The following DAB1 variants were observed in gnomAD, a reference collection of about 807,000 sequenced individuals.
DAB1 encodes disabled homolog 1.
A neutral mutation model predicts 64.6 loss-of-function variants in DAB1; 15 were observed. That is an observed-to-expected ratio of 0.23 (90% CI 0.16 to 0.36). The LOEUF is 0.36. Among genes scored for constraint, DAB1 ranks in the 10% least tolerant of loss-of-function variants. DAB1 has a pLI of 1.00. For synonymous variants in DAB1, 235 were observed against 251.9 expected (o/e 0.93, Z 0.64); for missense variants, 596 against 706.7 (o/e 0.84, Z 1.78).
At chr1:58,149,036 T>G (rs1654774832) in intron 5 of DAB1, among the ~76,000 whole-genome samples, 2 of 152,202 alleles carry the variant, frequency 1.3e-5, no homozygotes, top group African/African-American at 4.8e-5. Context: ...AAATATCATG[T>G]CCACAAACAG....
chr1:58,426,456 G>C (rs1037986550), intron 3 of DAB1, among the ~76,000 whole-genome samples: 9 of 152,208 alleles, frequency 5.9e-5, no homozygotes, highest in African/African-American at 2.2e-4. Context: ...GTAGGAACCA[G>C]GTATTGGCTC....
intron 3 of DAB1, among the ~76,000 whole-genome samples, chr1:58,348,737 T>C (rs928212408): frequency 6.6e-6 from 1 of 152,164 alleles, no homozygotes. Flanking sequence ...ACAATGAGAT[T>C]TTACACACGT....
chr1:57,740,082 C>A lies in DAB1; in HGVS notation n.552-90417G>T, dbSNP rs557084027. ...AAAAAAAATTCGCCAGGCGTGGTCGCATGCACTTGTAGTCCCAGCTACTCA... is the reference window on the plus strand; with the variant it reads ...AAAAAAAATTCGCCAGGCGTGGTCGAATGCACTTGTAGTCCCAGCTACTCA... On this transcript the variant is annotated intron_variant and non_coding_transcript_variant, in intron 6 of 20. Coordinates refer to the DAB1 transcript ENST00000485760. Among the ~76,000 whole-genome samples, 4 of 148,100 alleles carry A rather than the reference C, an allele frequency of 2.7e-5. No individual in the cohort carries two copies. In the East Asian group the frequency reaches 7.8e-4, roughly 29 times the overall value.
In DAB1 at chr1:57,957,359, G is replaced by A. The variant is rs559818067; in HGVS notation, n.388-73197C>T. ...GCCCAAAGGTTTCAGCCTAAGCAAT[G>A]GAAGGATAAAGTTGACATTTGTTAA... On this transcript the variant is annotated intron_variant and non_coding_transcript_variant, in intron 5 of 20. Coordinates refer to the DAB1 transcript ENST00000485760. Among the ~76,000 whole-genome samples, 114 of 152,278 alleles carry A rather than the reference G, an allele frequency of 7.5e-4. No individual in the cohort carries two copies. The Middle Eastern group carries it at 0.01, about 14-fold the overall frequency.
intron 7 of DAB1, among the ~76,000 whole-genome samples, chr1:57,488,558 C>T (rs1008379341): frequency 3.9e-4 from 59 of 152,040 alleles, no homozygotes; most frequent in Non-Finnish European, 6.9e-4. Context: ...TGCCTGTAAT[C>T]CCAGCTACTT....
intron 4 of DAB1, among the ~76,000 whole-genome samples, chr1:58,187,777 C>T (rs544516785): frequency 3.4e-4 from 52 of 151,676 alleles, no homozygotes; most frequent in African/African-American, 1.2e-3. Flanking sequence ...TAGGTTTTCC[C>T]CATGTTGGCT....
chr1:57,353,076 A>G (rs969233426), intron 1 of DAB1, among the ~76,000 whole-genome samples: 3 of 150,664 alleles, frequency 2.0e-5, no homozygotes, highest in African/African-American at 4.9e-5. Flanking sequence ...ATATTTTTCC[A>G]TGTATACATA....
intron 1 of DAB1, among the ~76,000 whole-genome samples, chr1:57,871,592 C>A (rs1278578420): frequency 6.6e-6 from 1 of 152,168 alleles, no homozygotes; most frequent in Non-Finnish European, 1.5e-5. Flanking sequence ...GGGATCCTAA[C>A]AGGTTTTATG....
chr1:58,497,727 G>A (rs182006960), intron 3 of DAB1, among the ~76,000 whole-genome samples: 1 of 152,134 alleles, frequency 6.6e-6, no homozygotes, highest in Non-Finnish European at 1.5e-5. Flanking sequence ...CTAAATCACT[G>A]GAAACTCTTA....
At chr1:57,204,705 G>T (rs533915637) in intron 2 of DAB1, among the ~76,000 whole-genome samples, 142 of 152,268 alleles carry the variant, frequency 9.3e-4, no homozygotes, top group African/African-American at 3.4e-3. Flanking sequence ...GAATTGTGCT[G>T]ATTAGATTAA....
chr1:58,183,972 T>C (rs1656934183), intron 4 of DAB1, among the ~76,000 whole-genome samples: 1 of 150,608 alleles, frequency 6.6e-6, no homozygotes, highest in South Asian at 2.1e-4. Context: ...TAAAGATTGC[T>C]ATTGCTTTTA....
At chr1:58,475,788 C>G (rs1301174636) in intron 3 of DAB1, among the ~76,000 whole-genome samples, 1 of 152,152 alleles carries the variant, frequency 6.6e-6, no homozygotes, top group Non-Finnish European at 1.5e-5. Flanking sequence ...ATATTACTAT[C>G]CTATTTTCCC....
At chr1:58,355,151 TACAGACTTC>T (rs1644097894) in intron 3 of DAB1, among the ~76,000 whole-genome samples, 1 of 152,180 alleles carries the variant, frequency 6.6e-6, no homozygotes, top group Non-Finnish European at 1.5e-5. Flanking sequence ...AAGAGATGTC[TACAGACTTC>T]AGAGACTTAA....
intron 6 of DAB1, among the ~76,000 whole-genome samples, chr1:57,711,399 G>T (rs1003749834): frequency 5.9e-5 from 9 of 152,162 alleles, no homozygotes; most frequent in African/African-American, 2.2e-4. Flanking sequence ...TTAAGGTGTG[G>T]GCTATGCAGA....
At chr1:58,382,687 C>A (rs766213076) in intron 3 of DAB1, among the ~76,000 whole-genome samples, 2 of 152,158 alleles carry the variant, frequency 1.3e-5, no homozygotes, top group African/African-American at 4.8e-5. Context: ...GACTTTAAAG[C>A]TTTTTAAAAG....
chr1:58,370,771 A>G (rs1200017892), intron 3 of DAB1, among the ~76,000 whole-genome samples: 1 of 152,066 alleles, frequency 6.6e-6, no homozygotes, highest in Non-Finnish European at 1.5e-5. Context: ...ATGAGATTTG[A>G]TGGTTTTTAT....
chr1:57,690,447 C>T (rs1376242359), intron 6 of DAB1, among the ~76,000 whole-genome samples: 3 of 152,144 alleles, frequency 2.0e-5, no homozygotes, highest in Non-Finnish European at 4.4e-5. Context: ...GCATCTCCCC[C>T]TTCTCTCTCT....
intron 7 of DAB1, among the ~76,000 whole-genome samples, chr1:57,614,069 C>T (rs577614376): frequency 3.9e-5 from 6 of 152,170 alleles, no homozygotes; most frequent in African/African-American, 7.2e-5. Context: ...CAGGTGGACC[C>T]GTAATGAATT....
At chr1:58,506,955 A>G (rs1008981326) in intron 2 of DAB1, among the ~76,000 whole-genome samples, 3 of 152,058 alleles carry the variant, frequency 2.0e-5, no homozygotes, top group African/African-American at 7.2e-5. Flanking sequence ...TCCATCATAC[A>G]CTCATATACA....
Sources: gnomAD v4.1 joint callset for allele counts (sites outside exome capture counted in the v4.1 genomes callset) on GRCh38, gnomAD v4.1.1 for gene constraint, MANE v1.5 for transcripts, NCBI Gene and HGNC (gene_info 2026-07-23, HGNC 2026-07-21) for gene names.